HIF1AN: variants seen among roughly 807,000 people sequenced by gnomAD.
HIF1AN encodes hypoxia inducible factor 1 subunit alpha inhibitor.
HIF1AN carries 21 observed loss-of-function variants against 47.7 expected under a neutral mutation model. The ratio of observed to expected loss-of-function variants is 0.44; its 90% CI spans 0.31 to 0.63. The LOEUF (loss-of-function observed/expected upper bound fraction) is 0.63, where lower values mean the gene tolerates loss of function less well. Ranked by LOEUF, HIF1AN falls within the 30% of genes least tolerant of loss-of-function variation. The probability of loss-of-function intolerance (pLI) is 0.07; values close to 1 mark genes in which losing one functional copy is unlikely to be tolerated. For synonymous variants in HIF1AN, 152 were observed against 155.9 expected, an observed-to-expected ratio of 0.98 and a Z score of 0.18; for missense variants, 320 against 432.7, an observed-to-expected ratio of 0.74 and a Z score of 2.31.
At position 100,540,747 on chromosome 10, in the gene HIF1AN, A is replaced by T. The variant is rs1843018633; in HGVS notation, c.542A>T (p.Gln181Leu). Reference sequence around the variant, plus strand: ...CAACAGGGAAAGCGTGGCTGGGGGCAGCTTACCTCTAACCTGCTGCTCATT... The same window carrying T: ...CAACAGGGAAAGCGTGGCTGGGGGCTGCTTACCTCTAACCTGCTGCTCATT... ...NKQQGKRGWGQLTSNLLLIGM... is the reference protein window; with the variant it reads ...NKQQGKRGWGLLTSNLLLIGM... The change falls in exon 3 of 8, where the codon CAG becomes CTG. Residue 181 changes from glutamine to leucine, a missense_variant. By Grantham distance (113) the Gln-to-Leu change is moderately radical (BLOSUM62 -2). Coordinates refer to ENST00000299163, the MANE Select transcript of HIF1AN (RefSeq NM_017902.3). The T allele has an allele frequency of 1.2e-6, 2 of 1,613,290 alleles. No individual in the cohort carries two copies. The highest frequency in any genetic ancestry group is 1.7e-6 in the Non-Finnish European group (2 of 1,179,778).
intron 3 of HIF1AN, among the ~76,000 whole-genome samples, chr10:100,543,466 G>GC (rs1449754503): frequency 6.6e-6 from 1 of 151,898 alleles, no homozygotes; most frequent in East Asian, 1.9e-4. Flanking sequence ...TCTCACCTTG[G>GC]CCCCCTAAAG....
chr10:100,544,859 C>G, intron 3 of HIF1AN, 92 bp from the exon 4 acceptor site: 1 of 1,199,882 alleles, frequency 8.3e-7, no homozygotes, highest in Non-Finnish European at 1.2e-6. Context: ...GCTGGGAGGG[C>G]AGGCTGGGTT....
intron 6 of HIF1AN, among the ~76,000 whole-genome samples, chr10:100,546,894 C>T (rs1843099292): frequency 6.6e-6 from 1 of 152,134 alleles, no homozygotes; most frequent in Non-Finnish European, 1.5e-5. Context: ...CACACACCAC[C>T]ATGCCTGGCT....
chr10:100,543,814 CCCCG>C (rs1843069015), intron 3 of HIF1AN, among the ~76,000 whole-genome samples: 1 of 152,114 alleles, frequency 6.6e-6, no homozygotes, highest in Non-Finnish European at 1.5e-5. Context: ...CCTCATGATC[CCCCG>C]CCTTGGCCTC....
chr10:100,553,912 G>A lies in HIF1AN; in HGVS notation c.*5775G>A, dbSNP rs1195594506. The A allele has an allele frequency of 6.6e-6, 1 of 152,226 alleles. No homozygotes were observed. The highest frequency in any genetic ancestry group is 6.5e-5 in the Admixed American group (1 of 15,286). The allele number at this position is 152,226 out of a possible 1,614,324, so 9.4% of individuals were successfully genotyped here. On this transcript the variant is annotated 3_prime_UTR_variant, in exon 8 of 8. Transcript: ENST00000299163. ...CACTTAATAAATGGCTGTGGTGGTG[G>A]TGGTTATATTTATTATGTGATTTAT...
chr10:100,539,567 T>C (rs1288166559), intron 2 of HIF1AN, among the ~76,000 whole-genome samples: 1 of 152,248 alleles, frequency 6.6e-6, no homozygotes, highest in Non-Finnish European at 1.5e-5. Flanking sequence ...AATGTCATAT[T>C]GTTCTTTACA....
intron 3 of HIF1AN, among the ~76,000 whole-genome samples, chr10:100,541,473 T>C (rs1337276005): frequency 1.3e-5 from 2 of 152,090 alleles, no homozygotes; most frequent in South Asian, 2.1e-4. Flanking sequence ...AATGAAATAA[T>C]GTATGTCGAG....
At chr10:100,541,670 C>T (rs1484217735) in intron 3 of HIF1AN, among the ~76,000 whole-genome samples, 1 of 152,034 alleles carries the variant, frequency 6.6e-6, no homozygotes, top group African/African-American at 2.4e-5. Flanking sequence ...CGGCTTATGT[C>T]GAGTCTTTAA....
At chr10:100,541,272 T>A (rs1843025290) in intron 3 of HIF1AN, among the ~76,000 whole-genome samples, 1 of 152,118 alleles carries the variant, frequency 6.6e-6, no homozygotes, top group Admixed American at 6.5e-5. Context: ...ATATTTGTAA[T>A]CCCAGCACTT....
At chr10:100,542,846 GT>G (rs397730143) in intron 3 of HIF1AN, among the ~76,000 whole-genome samples, 13 of 111,766 alleles carry the variant, frequency 1.2e-4, no homozygotes, top group Admixed American at 8.8e-4. Context: ...ATGTGAATGT[GT>G]TTTTTTTTTT....
intron 6 of HIF1AN, 93 bp downstream of exon 6, chr10:100,546,674 T>C: frequency 9.8e-6 from 9 of 922,894 alleles, no homozygotes; most frequent in East Asian, 2.4e-5. Context: ...GATGGTTGAC[T>C]ATCCCTGGAA....
chr10:100,541,314 C>T (rs1843025595), intron 3 of HIF1AN, among the ~76,000 whole-genome samples: 1 of 152,138 alleles, frequency 6.6e-6, no homozygotes, highest in African/African-American at 2.4e-5. Context: ...TTGCTTGAAG[C>T]CAGAAGTTTG....
chr10:100,546,466 G>A (rs377644149), intron 5 of HIF1AN, 52 bp from the exon 6 acceptor site: 181 of 335,588 alleles, frequency 5.4e-4, no homozygotes, highest in Non-Finnish European at 8.2e-4. Flanking sequence ...TCGCCCCTCC[G>A]CCCCCGCCAA....
At position 100,555,043 on chromosome 10, in the gene HIF1AN, G is replaced by A. The variant is rs1324286392; in HGVS notation, c.*6906G>A. On this transcript the variant is annotated 3_prime_UTR_variant, in exon 8 of 8. Transcript: ENST00000299163. ...ATTGCACTATGTCCAGTTTTTTATGGTAGGCTTCCTGCAGAAAGTGATAAG... is the reference window on the plus strand; with the variant it reads ...ATTGCACTATGTCCAGTTTTTTATGATAGGCTTCCTGCAGAAAGTGATAAG... 6.6e-6 allele frequency: 1 copy of A among 152,172 alleles called. No individual in the cohort carries two copies. The highest frequency in any genetic ancestry group is 1.5e-5 in the Non-Finnish European group (1 of 68,022). The allele number at this position is 152,172 out of a possible 1,614,324, so 9.4% of individuals were successfully genotyped here.
Position 100,553,418 on chromosome 10 carries a change from T to G in HIF1AN, c.*5281T>G, listed in dbSNP as rs1589756255. 2 of 152,208 alleles carry G rather than the reference T, an allele frequency of 1.3e-5. No individual in the cohort carries two copies. Among genetic ancestry groups the G allele is most frequent in the East Asian group, 3.9e-4 (2 of 5,176 alleles). 9.4% of individuals were successfully genotyped at this position (152,208 alleles called of 1,614,324 possible). On this transcript the variant is annotated 3_prime_UTR_variant, in exon 8 of 8. Transcript: ENST00000299163. ...GGTTGCTGAAAGGGAAACAGTATAT[T>G]GCGTAGTCAGATGTCAGGAGTAGAG...
At chr10:100,546,782 C>T (rs1843098104) in intron 6 of HIF1AN, among the ~76,000 whole-genome samples, 1 of 152,052 alleles carries the variant, frequency 6.6e-6, no homozygotes, top group Admixed American at 6.6e-5. Flanking sequence ...CTCTATTCCC[C>T]AGGCTGGAGT....
chr10:100,547,349 G>A, intron 7 of HIF1AN, 99 bp downstream of exon 7: 2 of 742,410 alleles, frequency 2.7e-6, no homozygotes, highest in Non-Finnish European at 4.7e-6. Context: ...AGTGTCTGGT[G>A]TCCTCTCTCT....
intron 3 of HIF1AN, among the ~76,000 whole-genome samples, chr10:100,541,487 G>A (rs966697524): frequency 2.6e-5 from 4 of 151,018 alleles, no homozygotes; most frequent in Non-Finnish European, 3.0e-5. Flanking sequence ...TGTCGAGTCT[G>A]TTTTTTTTTG....
rs1187037122 is a variant in HIF1AN at position 100,556,551 on chromosome 10, G to A, written c.*8414G>A. On this transcript the variant is annotated 3_prime_UTR_variant, in exon 8 of 8. Coordinates refer to ENST00000299163, the MANE Select transcript of HIF1AN (RefSeq NM_017902.3). ...GTCTGCCTTGCTAGTCTAGAGGTAG[G>A]ACCATGGATTTAAGAACGTTGCCTC... The A allele has an allele frequency of 1.3e-5, 2 of 152,222 alleles. No individual in the cohort carries two copies. The highest frequency in any genetic ancestry group is 1.9e-4 in the East Asian group (1 of 5,190). The allele number at this position is 152,222 out of a possible 1,614,324, so 9.4% of individuals were successfully genotyped here. A position where few individuals can be genotyped will look rare whatever the true frequency, so the allele number is the denominator to read the frequency against.
Sources: gnomAD v4.1 joint callset for allele counts (sites outside exome capture counted in the v4.1 genomes callset) on GRCh38, gnomAD v4.1.1 for gene constraint, MANE v1.5 for transcripts, NCBI Gene and HGNC (gene_info 2026-07-23, HGNC 2026-07-21) for gene names.